KIF21B: variants seen among roughly 807,000 people sequenced by gnomAD.
KIF21B encodes kinesin family member 21B.
A neutral mutation model predicts 192.9 loss-of-function variants in KIF21B; 85 were observed. The ratio of observed to expected loss-of-function variants is 0.44; its 90% CI spans 0.37 to 0.53. The LOEUF (loss-of-function observed/expected upper bound fraction) is 0.53, where lower values mean the gene tolerates loss of function less well. Ranked by LOEUF, KIF21B falls within the 20% of genes least tolerant of loss-of-function variation. The pLI is 0.00. For missense variants in KIF21B, 1,716 were observed against 2,194.8 expected, an observed-to-expected ratio of 0.78 and a Z score of 4.36; for synonymous variants, 832 against 884.6, an observed-to-expected ratio of 0.94 and a Z score of 1.05.
chr1:201,010,725 G>C (rs1230433214), intron 1 of KIF21B, among the ~76,000 whole-genome samples: 1 of 152,238 alleles, frequency 6.6e-6, no homozygotes, highest in Non-Finnish European at 1.5e-5. Context: ...CCTGGGCCCA[G>C]AGGCGCCTGG....
chr1:201,009,008 C>T (rs970737075), intron 2 of KIF21B, 57 bp from the exon 3 acceptor site: 20 of 1,539,002 alleles, frequency 1.3e-5, no homozygotes, highest in Non-Finnish European at 1.7e-5. Flanking sequence ...CACCAGCAAG[C>T]CCTGTACCTG....
chr1:200,983,153 CGCAGAGGCGGCA>C (rs1656056026), intron 27 of KIF21B, 59 bp from the exon 28 acceptor site: 1 of 1,435,368 alleles, frequency 7.0e-7, no homozygotes, highest in South Asian at 1.2e-5. Context: ...CACAGAGGGA[CGCAGAGGCGGCA>C]GCAGTGTGTG....
chr1:201,022,836 T>C (rs1423762668), intron 1 of KIF21B, among the ~76,000 whole-genome samples: 1 of 152,204 alleles, frequency 6.6e-6, no homozygotes, highest in East Asian at 1.9e-4. Flanking sequence ...CAAGGCATCA[T>C]CCCAGCTTTT....
intron 21 of KIF21B, 149 bp from the exon 22 acceptor site, chr1:200,989,080 G>A (rs567959485): frequency 8.1e-5 from 62 of 764,792 alleles, no homozygotes; most frequent in African/African-American, 1.2e-4. Flanking sequence ...TGAGAGCACC[G>A]CCAGCCCCCT....
In KIF21B at chr1:200,991,693, C is replaced by A. The variant is rs748452917; in HGVS notation, c.2418G>T (p.Arg806=). The A allele has an allele frequency of 6.2e-7, 1 of 1,614,068 alleles. No individual in the cohort carries two copies. Among genetic ancestry groups the A allele is most frequent in the African/African-American group, 1.3e-5 (1 of 74,964 alleles). ...TCCTCCTCAGGACCATCTCCTGCTGCCGCTTCTGGGACTCCAGAGCTCGGA... is the reference window on the plus strand; with the variant it reads ...TCCTCCTCAGGACCATCTCCTGCTGACGCTTCTGGGACTCCAGAGCTCGGA... ...FQIRALESQK[R]QQEMVLRRKT... The change falls in exon 17 of 35, where the codon CGG becomes CGT. Residue 806 remains arginine (R), a synonymous_variant. Coordinates refer to ENST00000461742, the MANE Select transcript of KIF21B (RefSeq NM_001252102.2).
intron 14 of KIF21B, 72 bp from the exon 15 acceptor site, chr1:200,996,467 G>C: frequency 7.4e-7 from 1 of 1,353,422 alleles, no homozygotes; most frequent in Non-Finnish European, 1.0e-6. Flanking sequence ...GTCATCAAGG[G>C]GGAACGCAGG....
chr1:200,987,313 C>T, intron 24 of KIF21B, 112 bp from the exon 25 acceptor site: 5 of 932,454 alleles, frequency 5.4e-6, no homozygotes, highest in Non-Finnish European at 8.0e-6. Context: ...AAACATGGCT[C>T]ACTGCAGCCT....
rs769761737 is a variant in KIF21B, at chr1:201,002,288, G to A, written c.1275C>T (p.Ala425=). The part of the protein sequence containing the change: ...EGYSDLFREN[A]MLQKENGALR... ...GGGCCCCATTCTCCTTCTGTAGCAT[G>A]GCATTCTCTCGGAACAGATCACTAT... Residue 425 remains alanine (A), a synonymous_variant, in exon 9 of 35, where the codon GCC becomes GCT. Transcript: ENST00000461742. The A allele has an allele frequency of 2.5e-6, 4 of 1,614,070 alleles. No homozygotes were observed. Among genetic ancestry groups the A allele is most frequent in the Non-Finnish European group, 3.4e-6 (4 of 1,180,040 alleles).
Position 200,976,827 on chromosome 1 carries a change from C to T in KIF21B, c.4392G>A (p.Thr1464=), listed in dbSNP as rs755035876. Residue 1464 remains threonine (T), a synonymous_variant, in exon 32 of 35, where the codon ACG becomes ACA. Transcript: ENST00000461742. ...GPVMCLTVTQ[T]ASQHDLVVTG... ...TCACCACGAGGTCATGCTGGCTGGC[C>T]GTCTGGGTGACCGTCAGGCACATCA... 9.9e-6 allele frequency: 16 copies of T among 1,613,618 alleles called. No homozygotes were observed. Among genetic ancestry groups the T allele is most frequent in the East Asian group, 2.2e-5 (1 of 44,878 alleles).
chr1:201,019,440 C>G (rs1442545816), intron 1 of KIF21B, among the ~76,000 whole-genome samples: 1 of 152,140 alleles, frequency 6.6e-6, no homozygotes. Context: ...TGCCCCATGA[C>G]GAAGCCAGTG....
At chr1:200,993,262 T>C (rs1558010463) in intron 15 of KIF21B, among the ~76,000 whole-genome samples, 2 of 152,206 alleles carry the variant, frequency 1.3e-5, no homozygotes, top group Admixed American at 6.5e-5. Flanking sequence ...ACACAGGGCT[T>C]TGGACACCTT....
chr1:200,992,217 G>C (rs1571933930), intron 16 of KIF21B, 65 bp downstream of exon 16: 23 of 1,462,442 alleles, frequency 1.6e-5, no homozygotes, highest in Non-Finnish European at 2.2e-5. Context: ...GGGCAGCCAG[G>C]TGCACCAGGA....
intron 14 of KIF21B, among the ~76,000 whole-genome samples, chr1:200,997,384 T>C (rs1247934251): frequency 6.6e-6 from 1 of 152,206 alleles, no homozygotes; most frequent in East Asian, 1.9e-4. Context: ...CCCTGGTTGG[T>C]GCTGCTCTAG....
chr1:201,002,993 A>T (rs756254), intron 8 of KIF21B: 15,775 of 159,204 alleles, frequency 0.099, 892 homozygotes, highest in Non-Finnish European at 0.12. Context: ...CATTTACCCC[A>T]AAGGACCCAT....
In KIF21B at chr1:200,999,616, G is replaced by C. The variant is rs1179437853; in HGVS notation, c.1768-150C>G. ...GCCCCCCTGCCCACCCCCTACTCCTGGAAGAGTGCCGCCTCCCCCAACACC... is the reference window on the plus strand; with the variant it reads ...GCCCCCCTGCCCACCCCCTACTCCTCGAAGAGTGCCGCCTCCCCCAACACC... On this transcript the variant is annotated intron_variant, in intron 12 of 34. Transcript: ENST00000461742. This position sits in a 1 kb window ranked among gnomAD's most constrained non-coding sequence, Gnocchi z 4.7. 10 of 1,400,904 alleles carry C rather than the reference G, an allele frequency of 7.1e-6. No homozygotes were observed. The highest frequency in any genetic ancestry group is 8.7e-6 in the Non-Finnish European group (9 of 1,039,576). The allele number at this position is 1,400,904 out of a possible 1,614,324, so 86.8% of individuals were successfully genotyped here.
chr1:200,992,305 T>C lies in KIF21B; in HGVS notation c.2362A>G (p.Lys788Glu), dbSNP rs1288858664. Residue 788 changes from lysine to glutamate, a missense_variant, in exon 16 of 35, where the codon AAG becomes GAG. Physicochemically the swap from Lys to Glu is moderately conservative, Grantham distance 56. This residue lies in a region of KIF21B where 1,087 missense variants were observed against 1,316.6 expected (regional missense o/e 0.83). Coordinates refer to ENST00000461742, the MANE Select transcript of KIF21B (RefSeq NM_001252102.2). The stretch of plus-strand genomic sequence containing the variant: ...ACCTCCTGTCGCCGCTGCTCCTTCT[T>C]GAGCTGTGCGATCTCCCGGTTCCTC... Reference protein sequence around the residue: ...TKRNREIAQLKKEQRRQEFQI... With the variant: ...TKRNREIAQLEKEQRRQEFQI... 1.2e-6 allele frequency: 2 copies of C among 1,611,510 alleles called. No individual in the cohort carries two copies. The highest frequency in any genetic ancestry group is 1.1e-5 in the South Asian group (1 of 91,056).
rs113600659 is a variant in KIF21B, at chr1:201,012,631, CTATG to C, written c.42-3147_42-3144del. Reference sequence around the variant, plus strand: ...TCAAGCTGCTTTCTGTCAGAAAACTCTATGTATGTATGTATGTATGTATGTTTTT... The same window carrying C: ...TCAAGCTGCTTTCTGTCAGAAAACTCTATGTATGTATGTATGTATGTTTTT... On this transcript the variant is annotated intron_variant, in intron 1 of 34. Coordinates refer to ENST00000461742, the MANE Select transcript of KIF21B (RefSeq NM_001252102.2). Among the ~76,000 whole-genome samples, 10 of 150,360 alleles carry C rather than the reference CTATG, an allele frequency of 6.7e-5. No individual in the cohort carries two copies. In the South Asian group the frequency reaches 8.4e-4, roughly 13 times the overall value.
chr1:201,004,883 C>A lies in KIF21B; in HGVS notation c.783G>T (p.Glu261Asp), dbSNP rs756349092. Residue 261 changes from glutamate (E) to aspartate (D), a missense_variant, in exon 6 of 35, where the codon GAG (glutamate) becomes GAT (aspartate). Glu to Asp is a conservative substitution (Grantham distance 45, BLOSUM62 2). This residue lies in a region of KIF21B where 1,087 missense variants were observed against 1,316.6 expected (regional missense o/e 0.83). Coordinates refer to ENST00000461742, the MANE Select transcript of KIF21B (RefSeq NM_001252102.2). ...GAAACTTAGCAGTGAGTGTCTCATACTCACTCGAGGGAGGTGTACCATCAG... is the reference window on the plus strand; with the variant it reads ...GAAACTTAGCAGTGAGTGTCTCATAATCACTCGAGGGAGGTGTACCATCAG... ...GLPDGTPPSS[E>D]YETLTAKFHF... 2 of 1,613,986 alleles carry A rather than the reference C, an allele frequency of 1.2e-6. No homozygotes were observed. The highest frequency in any genetic ancestry group is 3.3e-5 in the Admixed American group (2 of 60,022).
intron 1 of KIF21B, among the ~76,000 whole-genome samples, chr1:201,020,517 T>C (rs1313406997): frequency 3.3e-5 from 5 of 152,094 alleles, no homozygotes; most frequent in Non-Finnish European, 7.4e-5. Context: ...GGGAATCCCT[T>C]GGTGCAAAGC....
Sources: allele counts gnomAD v4.1 joint callset (sites outside exome capture counted in the v4.1 genomes callset), GRCh38; gene constraint gnomAD v4.1.1; regional missense constraint gnomAD v4.1.1; non-coding constraint Gnocchi (gnomAD v3.1); transcripts MANE v1.5; gene names NCBI Gene and HGNC (gene_info 2026-07-23, HGNC 2026-07-21).